FOXN3: variants seen among roughly 807,000 people sequenced by gnomAD.
FOXN3 encodes forkhead box protein N3.
Under a neutral mutation model 38.4 loss-of-function variants are expected in FOXN3, and 7 were observed. The observed-to-expected ratio is 0.18, with a 90% CI of 0.10 to 0.34. FOXN3 has a LOEUF of 0.34. Among genes scored for constraint, FOXN3 ranks in the 10% least tolerant of loss-of-function variants. FOXN3 has a pLI of 1.00. For synonymous variants in FOXN3, 230 were observed against 242.2 expected (o/e 0.95, Z 0.47); for missense variants, 456 against 613.4 (o/e 0.74, Z 2.71).
intron 2 of FOXN3, among the ~76,000 whole-genome samples, chr14:89,366,365 C>G (rs1890152081): frequency 6.6e-6 from 1 of 152,058 alleles, no homozygotes; most frequent in Non-Finnish European, 1.5e-5. Context: ...TTGTCTGGAA[C>G]GTGGGCATGT....
At chr14:89,545,501 C>T (rs950030347) in intron 1 of FOXN3, among the ~76,000 whole-genome samples, 2 of 152,188 alleles carry the variant, frequency 1.3e-5, no homozygotes, top group East Asian at 1.9e-4. Flanking sequence ...ATGTCCCATT[C>T]GTGGCCTCCC....
intron 4 of FOXN3, among the ~76,000 whole-genome samples, chr14:89,235,001 C>T (rs1884939395): frequency 1.3e-5 from 2 of 152,182 alleles, no homozygotes; most frequent in Admixed American, 1.3e-4. Context: ...CCTTTCCTGG[C>T]TTTTGTCTGC....
intron 3 of FOXN3, among the ~76,000 whole-genome samples, chr14:89,288,268 T>C (rs1165556672): frequency 2.0e-5 from 3 of 152,052 alleles, no homozygotes; most frequent in Non-Finnish European, 2.9e-5. Flanking sequence ...TGTGGCAAGA[T>C]TACTCAGAGG....
At position 89,159,632 on chromosome 14, in the gene FOXN3, A is replaced by C. The variant is rs1004319203; in HGVS notation, c.*2782T>G. On this transcript the variant is annotated 3_prime_UTR_variant, in exon 6 of 6. Coordinates refer to ENST00000557258, the MANE Select transcript of FOXN3 (RefSeq NM_005197.4). Reference sequence around the variant, plus strand: ...TTAATTGGAAGAAGTCCTCGGCCAGAAACAGTCCTGAATGTTGAACCTCTG... The same window carrying C: ...TTAATTGGAAGAAGTCCTCGGCCAGCAACAGTCCTGAATGTTGAACCTCTG... 4 of 152,258 alleles carry C rather than the reference A, an allele frequency of 2.6e-5. No individual in the cohort carries two copies. The highest frequency in any genetic ancestry group is 9.6e-5 in the African/African-American group (4 of 41,452). The allele number at this position is 152,258 out of a possible 1,614,324, so 9.4% of individuals were successfully genotyped here. A position where few individuals can be genotyped will look rare whatever the true frequency, so the allele number is the denominator to read the frequency against.
At chr14:89,372,720 T>TA (rs5810458) in intron 2 of FOXN3, among the ~76,000 whole-genome samples, 62 of 144,156 alleles carry the variant, frequency 4.3e-4, no homozygotes, top group East Asian at 2.4e-3. Flanking sequence ...TCTCATGGGG[T>TA]AAAAAAAAAA....
intron 1 of FOXN3, among the ~76,000 whole-genome samples, chr14:89,471,324 G>A (rs368525290): frequency 5.9e-5 from 9 of 152,274 alleles, no homozygotes; most frequent in Admixed American, 1.3e-4. Flanking sequence ...CTCCTGGGCC[G>A]GCTGTGGTGG....
chr14:89,175,219 C>T (rs1465465360), intron 5 of FOXN3, among the ~76,000 whole-genome samples: 2 of 152,218 alleles, frequency 1.3e-5, no homozygotes, highest in East Asian at 3.8e-4. Context: ...TGCAGTTTTT[C>T]ACTTGAGGTT....
intron 4 of FOXN3, among the ~76,000 whole-genome samples, chr14:89,266,238 G>A (rs1423624445): frequency 3.3e-5 from 5 of 152,194 alleles, no homozygotes; most frequent in Non-Finnish European, 4.4e-5. Context: ...GAGGTGGCAC[G>A]TTTGGGTTCT....
At chr14:89,562,926 CAGG>C (rs1281831404) in intron 1 of FOXN3, among the ~76,000 whole-genome samples, 1 of 152,110 alleles carries the variant, frequency 6.6e-6, no homozygotes, top group Non-Finnish European at 1.5e-5. Context: ...TAAGAACCTC[CAGG>C]TTAAAGAGTG....
rs368237286 is a variant in FOXN3, at chr14:89,391,853, AG to A, written c.543+20080del. Reference sequence around the variant, plus strand: ...AACCCCATCTCTACTAAAATGTAAAAGAAATTAGCCAGGCATGGCGGCATGT... The same window carrying A: ...AACCCCATCTCTACTAAAATGTAAAAAAATTAGCCAGGCATGGCGGCATGT... On this transcript the variant is annotated intron_variant, in intron 2 of 5. Transcript: ENST00000557258. 7.6e-4 allele frequency among the ~76,000 whole-genome samples: 116 copies of A among 152,294 alleles called. 1 individual carries two copies. The East Asian group carries it at 0.019, about 24-fold the overall frequency.
Position 89,568,324 on chromosome 14 carries a change from A to T in FOXN3, c.-15+50704T>A, listed in dbSNP as rs77433089. ...TGAAACAGCAGAAGGGATGCTCTGAATAGAAACCTGACCATGCCACTCTCA... is the reference window on the plus strand; with the variant it reads ...TGAAACAGCAGAAGGGATGCTCTGATTAGAAACCTGACCATGCCACTCTCA... On this transcript the variant is annotated intron_variant, in intron 1 of 6. Coordinates refer to the FOXN3 transcript ENST00000345097. Among the ~76,000 whole-genome samples the T allele has an allele frequency of 2.6e-4, 39 of 152,228 alleles. No individual in the cohort carries two copies. In the East Asian group the frequency reaches 7.3e-3, roughly 29 times the overall value.
Position 89,509,304 on chromosome 14 carries a change from C to A in FOXN3, c.-14-96814G>T, listed in dbSNP as rs12436019. Among the ~76,000 whole-genome samples the A allele has an allele frequency of 4.7e-3, 710 of 149,580 alleles. 7 individuals are homozygous for A. Among genetic ancestry groups the A allele is most frequent in the African/African-American group, 0.016 (676 of 41,198 alleles). ...TATCCATAGCACTTACCACTATTTG[C>A]AAATTATATACAGTTTTTTTTGTTG... is the stretch of plus-strand genomic sequence containing the variant. On this transcript the variant is annotated intron_variant, in intron 1 of 6. Coordinates refer to the FOXN3 transcript ENST00000345097.
intron 1 of FOXN3, among the ~76,000 whole-genome samples, chr14:89,413,523 A>G (rs1427507166): frequency 1.3e-5 from 2 of 151,964 alleles, no homozygotes; most frequent in African/African-American, 2.4e-5. Flanking sequence ...AGTCCCAGCT[A>G]CTTGGGAGGC....
chr14:89,532,151 A>T (rs1190164704), intron 1 of FOXN3, among the ~76,000 whole-genome samples: 1 of 152,188 alleles, frequency 6.6e-6, no homozygotes, highest in Non-Finnish European at 1.5e-5. Flanking sequence ...GCACACTGAT[A>T]GCCAAGAAGC....
At chr14:89,362,453 G>C (rs1321300797) in intron 2 of FOXN3, among the ~76,000 whole-genome samples, 1 of 12,492 alleles carries the variant, frequency 8.0e-5, no homozygotes, top group African/African-American at 2.9e-4. Flanking sequence ...TCCAGCACCA[G>C]CTCCACCACC....
At chr14:89,580,880 A>T (rs1197709133) in intron 1 of FOXN3, among the ~76,000 whole-genome samples, 1 of 152,134 alleles carries the variant, frequency 6.6e-6, no homozygotes, top group Non-Finnish European at 1.5e-5. Flanking sequence ...CTTACATGGT[A>T]CCTAGAGAAT....
chr14:89,441,005 C>G (rs1385098424), intron 1 of FOXN3, among the ~76,000 whole-genome samples: 4 of 152,154 alleles, frequency 2.6e-5, no homozygotes, highest in Admixed American at 2.0e-4. Flanking sequence ...ATGCTGACCT[C>G]TTTAGGAGAG....
intron 4 of FOXN3, among the ~76,000 whole-genome samples, chr14:89,235,638 A>G (rs1463239575): frequency 6.6e-6 from 1 of 152,190 alleles, no homozygotes; most frequent in African/African-American, 2.4e-5. Flanking sequence ...AGCTCGAATT[A>G]AGATAGGGAC....
chr14:89,325,214 G>GCACCACCACCACCACCAC (rs756831446), intron 3 of FOXN3, among the ~76,000 whole-genome samples: 1 of 140,136 alleles, frequency 7.1e-6, no homozygotes, highest in Non-Finnish European at 1.5e-5. Context: ...CAACACACAT[G>GCACCACCACCACCACCAC]CACCACCACC....
Sources: allele counts gnomAD v4.1 joint callset (sites outside exome capture counted in the v4.1 genomes callset), GRCh38; gene constraint gnomAD v4.1.1; transcripts MANE v1.5; gene names NCBI Gene and HGNC (gene_info 2026-07-23, HGNC 2026-07-21).